The following GALNT7 variants were observed in gnomAD, a reference collection of about 807,000 sequenced individuals.
GALNT7 encodes the protein polypeptide N-acetylgalactosaminyltransferase 7.
A neutral mutation model predicts 82.1 loss-of-function variants in GALNT7; 60 were observed. The ratio of observed to expected loss-of-function variants is 0.73; its 90% CI spans 0.59 to 0.91. The LOEUF (loss-of-function observed/expected upper bound fraction) is 0.91. Among genes scored for constraint, GALNT7 ranks in the 40% least tolerant of loss-of-function variants. The probability of loss-of-function intolerance (pLI) is 0.00; values close to 1 mark genes in which losing one functional copy is unlikely to be tolerated. For synonymous variants in GALNT7, 243 were observed against 275.1 expected, an observed-to-expected ratio of 0.88 and a Z score of 1.15; for missense variants, 660 against 804.2, an observed-to-expected ratio of 0.82 and a Z score of 2.17.
chr4:173,280,420 A>G (rs1386487484), intron 2 of GALNT7, among the ~76,000 whole-genome samples: 2 of 152,150 alleles, frequency 1.3e-5, no homozygotes, highest in Non-Finnish European at 2.9e-5. Context: ...TTTGAAATCT[A>G]TTTTTTAAGT....
At chr4:173,189,180 C>T (rs954801808) in intron 1 of GALNT7, among the ~76,000 whole-genome samples, 28 of 152,074 alleles carry the variant, frequency 1.8e-4, no homozygotes, top group Non-Finnish European at 2.9e-5. Flanking sequence ...GGTTATTTAT[C>T]AAAAAAGATT....
chr4:173,285,258 A>G (rs1490413326), intron 2 of GALNT7, among the ~76,000 whole-genome samples: 1 of 152,232 alleles, frequency 6.6e-6, no homozygotes, highest in African/African-American at 2.4e-5. Context: ...TCTCAATTAC[A>G]TGTCATAATG....
At chr4:173,218,983 ATTT>A (rs34593349) in intron 1 of GALNT7, among the ~76,000 whole-genome samples, 2 of 149,250 alleles carry the variant, frequency 1.3e-5, no homozygotes, top group African/African-American at 5.0e-5. Flanking sequence ...TCTTAAAAAA[ATTT>A]TTTTTTTCAA....
chr4:173,248,479 T>C (rs772835474), intron 2 of GALNT7, 39 bp downstream of exon 2: 9 of 1,289,324 alleles, frequency 7.0e-6, no homozygotes, highest in African/African-American at 1.5e-5. Flanking sequence ...ATGGGGCAAC[T>C]GTTGTTTTCA....
At chr4:173,223,178 C>T (rs1049616071) in intron 1 of GALNT7, among the ~76,000 whole-genome samples, 4 of 152,146 alleles carry the variant, frequency 2.6e-5, no homozygotes, top group Admixed American at 6.5e-5. Context: ...ACCATTGATA[C>T]ACACTGTAGT....
rs563766032 is a variant in GALNT7, at chr4:173,292,544, A to G, written c.754+270A>G. Reference sequence around the variant, plus strand: ...AAAATTTGGTTGTACACAAAAATTCAGTAAAGTATACCACTGATTATAATG... The same window carrying G: ...AAAATTTGGTTGTACACAAAAATTCGGTAAAGTATACCACTGATTATAATG... On this transcript the variant is annotated intron_variant, in intron 3 of 11. Transcript: ENST00000265000. The surrounding 1 kb of genome is among the most constrained non-coding windows in gnomAD (Gnocchi z 4.8). Among the ~76,000 whole-genome samples the G allele has an allele frequency of 7.6e-4, 116 of 152,328 alleles. 1 individual carries two copies. The highest frequency in any genetic ancestry group is 2.7e-3 in the African/African-American group (113 of 41,586).
chr4:173,284,443 T>G (rs1736237839), intron 2 of GALNT7, among the ~76,000 whole-genome samples: 1 of 152,226 alleles, frequency 6.6e-6, no homozygotes, highest in Admixed American at 6.5e-5. Context: ...GGACATATGT[T>G]AATATTTTTC....
intron 8 of GALNT7, among the ~76,000 whole-genome samples, chr4:173,310,754 AGAC>A (rs1184356390): frequency 2.6e-5 from 4 of 151,976 alleles, no homozygotes; most frequent in African/African-American, 9.7e-5. Flanking sequence ...TGTTGTTTTG[AGAC>A]GGAGTTTCAC....
chr4:173,262,053 C>T (rs1175680614), intron 2 of GALNT7, among the ~76,000 whole-genome samples: 5 of 152,006 alleles, frequency 3.3e-5, no homozygotes, highest in African/African-American at 7.2e-5. Context: ...TAATGTCTGG[C>T]TTATAGAAGA....
intron 2 of GALNT7, among the ~76,000 whole-genome samples, chr4:173,256,201 C>T (rs895525632): frequency 6.6e-6 from 1 of 152,066 alleles, no homozygotes; most frequent in Non-Finnish European, 1.5e-5. Context: ...CTGTAGTTGC[C>T]GCTATATTTA....
chr4:173,250,883 C>T (rs1734823134), intron 2 of GALNT7, among the ~76,000 whole-genome samples: 1 of 152,168 alleles, frequency 6.6e-6, no homozygotes, highest in South Asian at 2.1e-4. Flanking sequence ...TCCTTTCTTC[C>T]CATGACGGGC....
intron 2 of GALNT7, among the ~76,000 whole-genome samples, chr4:173,260,677 G>T (rs1735226335): frequency 6.6e-6 from 1 of 152,138 alleles, no homozygotes. Context: ...AAGTAGAAAT[G>T]AGCATGCCTT....
intron 1 of GALNT7, among the ~76,000 whole-genome samples, chr4:173,239,746 T>C (rs1210778627): frequency 6.6e-6 from 1 of 152,196 alleles, no homozygotes; most frequent in Admixed American, 6.5e-5. Context: ...AAATCTCCCT[T>C]TTTCCAGTAA....
At chr4:173,252,788 C>G (rs1046555503) in intron 2 of GALNT7, among the ~76,000 whole-genome samples, 1 of 152,172 alleles carries the variant, frequency 6.6e-6, no homozygotes, top group African/African-American at 2.4e-5. Context: ...GGCTCACCAT[C>G]TACCACTAGG....
intron 8 of GALNT7, among the ~76,000 whole-genome samples, chr4:173,310,228 C>T (rs1176302305): frequency 6.6e-6 from 1 of 152,188 alleles, no homozygotes; most frequent in East Asian, 1.9e-4. Context: ...TCAAAACTGA[C>T]CTTTAACTTT....
chr4:173,259,677 G>A (rs78131802), intron 2 of GALNT7, among the ~76,000 whole-genome samples: 8 of 151,986 alleles, frequency 5.3e-5, no homozygotes, highest in African/African-American at 1.4e-4. Context: ...TCCCTCTGTC[G>A]CCCAGGCTGG....
rs1737826728 is a variant in GALNT7 at position 173,321,758 on chromosome 4, A to G, written c.*41A>G. 4.8e-6 allele frequency: 7 copies of G among 1,453,668 alleles called. No homozygotes were observed. Among genetic ancestry groups the G allele is most frequent in the Non-Finnish European group, 6.7e-6 (7 of 1,038,654 alleles). 90.0% of individuals were successfully genotyped at this position (1,453,668 alleles called of 1,614,324 possible). A position where few individuals can be genotyped will look rare whatever the true frequency, so the allele number is the denominator to read the frequency against. Reference sequence around the variant, plus strand: ...CCAATAACCTACCTACTGACAAGTAAATTTATACAGGACTGAAAACCGCCT... The same window carrying G: ...CCAATAACCTACCTACTGACAAGTAGATTTATACAGGACTGAAAACCGCCT... On this transcript the variant is annotated 3_prime_UTR_variant, in exon 12 of 12. Coordinates refer to ENST00000265000, the MANE Select transcript of GALNT7 (RefSeq NM_017423.3).
At chr4:173,185,955 C>A (rs1732448464) in intron 1 of GALNT7, among the ~76,000 whole-genome samples, 1 of 152,182 alleles carries the variant, frequency 6.6e-6, no homozygotes, top group Non-Finnish European at 1.5e-5. Flanking sequence ...AGGGAAATTA[C>A]ATTCAACTTG....
chr4:173,203,991 C>T (rs1733018871), intron 1 of GALNT7, among the ~76,000 whole-genome samples: 2 of 152,124 alleles, frequency 1.3e-5, no homozygotes, highest in Non-Finnish European at 1.5e-5. Context: ...TGAAGAACTC[C>T]CTTTACTATT....
Sources: gnomAD v4.1 joint callset for allele counts (sites outside exome capture counted in the v4.1 genomes callset) on GRCh38, gnomAD v4.1.1 for gene constraint, Gnocchi (gnomAD v3.1) non-coding constraint, MANE v1.5 for transcripts, NCBI Gene and HGNC (gene_info 2026-07-23, HGNC 2026-07-21) for gene names.